The following FHL1 variants were observed in gnomAD, a reference collection of about 807,000 sequenced individuals.
FHL1 encodes four and a half LIM domains protein 1.
A neutral mutation model predicts 20.3 loss-of-function variants in FHL1; 1 was observed. The ratio of observed to expected loss-of-function variants is 0.05; its 90% CI spans 0.02 to 0.23. The LOEUF is 0.23. Among genes scored for constraint, FHL1 ranks in the 10% least tolerant of loss-of-function variants. FHL1 has a pLI of 1.00. For missense variants in FHL1, 177 were observed against 234.0 expected, an observed-to-expected ratio of 0.76 and a Z score of 1.59; for synonymous variants, 82 against 88.9, an observed-to-expected ratio of 0.92 and a Z score of 0.44.
chrX:136,206,510 C>T lies in FHL1; in HGVS notation c.126C>T (p.His42=), dbSNP rs1305364903. 8.2e-7 allele frequency: 1 copy of T among 1,212,546 alleles called. No individual in the cohort carries two copies. Among genetic ancestry groups the T allele is most frequent in the Non-Finnish European group, 1.1e-6 (1 of 895,654 alleles). ...AGTATGTGCAAAAGGATGGCCACCACTGCTGCCTGAAATGCTTTGACAAGT... is the reference window on the plus strand; with the variant it reads ...AGTATGTGCAAAAGGATGGCCACCATTGCTGCCTGAAATGCTTTGACAAGT... The part of the protein sequence containing the change: ...GKKYVQKDGH[H]CCLKCFDKFC... Residue 42 remains histidine (H), a synonymous_variant, in exon 2 of 6, where the codon CAC becomes CAT. Transcript: ENST00000370683.
At chrX:136,208,057 A>C in intron 4 of FHL1, 96 bp downstream of exon 4, 1 of 993,876 alleles carries the variant, frequency 1.0e-6, no homozygotes, top group Non-Finnish European at 1.4e-6. Context: ...TTCCATCCTC[A>C]CGACAGCCCT....
At position 136,209,425 on chromosome X, in the gene FHL1, G is replaced by A; in HGVS notation, c.737-446G>A. 3 of 1,210,738 alleles carry A rather than the reference G, an allele frequency of 2.5e-6. No homozygotes were observed. The highest frequency in any genetic ancestry group is 3.4e-6 in the Non-Finnish European group (3 of 895,336). The stretch of plus-strand genomic sequence containing the variant: ...TCTTTATAGAAAAAATCGAAGCTTA[G>A]CAGCTCCTCGAGGCCCGGTAAGTGC... On this transcript the variant is annotated intron_variant, in intron 5 of 5. Coordinates refer to ENST00000370683, the MANE Select transcript of FHL1 (RefSeq NM_001159699.2).
chrX:136,176,789 G>A (rs985149437), intron 2 of FHL1, among the ~76,000 whole-genome samples: 2 of 111,119 alleles, frequency 1.8e-5, no homozygotes, highest in Non-Finnish European at 3.8e-5. Context: ...TCTGGGTCTG[G>A]GATTTAATGG....
chrX:136,193,022 GA>G (rs1288910646), upstream of FHL1, among the ~76,000 whole-genome samples: 2 of 104,907 alleles, frequency 1.9e-5, no homozygotes, highest in Non-Finnish European at 3.9e-5. Flanking sequence ...ATTATATTGA[GA>G]AAAAAACTTG....
chrX:136,194,960 A>C (rs1223026706), upstream of FHL1, among the ~76,000 whole-genome samples: 1 of 111,543 alleles, frequency 9.0e-6, no homozygotes, highest in African/African-American at 3.3e-5. Context: ...GGTTGATGCA[A>C]ATGGAAGTAA....
chrX:136,151,691 C>T (rs908964779), intron 1 of FHL1, among the ~76,000 whole-genome samples: 11 of 111,655 alleles, frequency 9.9e-5, no homozygotes, highest in East Asian at 2.8e-4. Flanking sequence ...CCAGCCTGGG[C>T]GACAGAGTGA....
chrX:136,194,022 A>AC (rs1188704452), upstream of FHL1, among the ~76,000 whole-genome samples: 1 of 108,767 alleles, frequency 9.2e-6, no homozygotes, highest in African/African-American at 3.4e-5. Flanking sequence ...GTGACATGGT[A>AC]CCATTTTCTT....
intron 1 of FHL1, among the ~76,000 whole-genome samples, chrX:136,162,188 G>A (rs750371751): frequency 9.2e-6 from 1 of 108,134 alleles, no homozygotes; most frequent in East Asian, 2.9e-4. Flanking sequence ...TCTAATTGGA[G>A]AAGCTGTTAA....
At chrX:136,184,459 T>C (rs1157264927) in intron 2 of FHL1, among the ~76,000 whole-genome samples, 1 of 112,026 alleles carries the variant, frequency 8.9e-6, no homozygotes, top group Non-Finnish European at 1.9e-5. Flanking sequence ...TTATTATACA[T>C]TTATTATACT....
At chrX:136,173,349 A>G (rs2072921608) in intron 2 of FHL1, among the ~76,000 whole-genome samples, 1 of 112,335 alleles carries the variant, frequency 8.9e-6, no homozygotes, top group Non-Finnish European at 1.9e-5. Context: ...CAAAATTTTG[A>G]AATACAGTAG....
chrX:136,200,017 T>C (rs763414987), intron 1 of FHL1, among the ~76,000 whole-genome samples: 2 of 112,613 alleles, frequency 1.8e-5, no homozygotes, highest in Non-Finnish European at 3.8e-5. Flanking sequence ...CATGATTAAA[T>C]TGAAAGCCAA....
upstream of FHL1, among the ~76,000 whole-genome samples, chrX:136,192,245 C>T (rs183854941): frequency 2.3e-4 from 26 of 111,397 alleles, no homozygotes; most frequent in Middle Eastern, 4.8e-3. Flanking sequence ...GTCATTTGTT[C>T]GGTGTTTTCC....
At chrX:136,208,204 G>A (rs141218458) in intron 4 of FHL1, among the ~76,000 whole-genome samples, 1 of 112,303 alleles carries the variant, frequency 8.9e-6, no homozygotes, top group Non-Finnish European at 1.9e-5. Context: ...GCTGAGCTGG[G>A]CAGCCCTGGC....
chrX:136,209,132 C>T, intron 5 of FHL1: 1 of 667,012 alleles, frequency 1.5e-6, no homozygotes, highest in Non-Finnish European at 2.2e-6. Context: ...CTTCATTCCT[C>T]ATCTCGCGGC....
intron 2 of FHL1, among the ~76,000 whole-genome samples, chrX:136,179,083 T>G (rs767103689): frequency 1.4e-4 from 16 of 112,175 alleles, no homozygotes; most frequent in Non-Finnish European, 2.8e-4. Context: ...TACACATTCA[T>G]TAGGGCTACA....
chrX:136,182,162 A>C (rs1390115578), intron 2 of FHL1, among the ~76,000 whole-genome samples: 1 of 112,023 alleles, frequency 8.9e-6, no homozygotes, highest in Non-Finnish European at 1.9e-5. Flanking sequence ...CTGACCCCTA[A>C]AAAAGAGGGG....
chrX:136,154,586 T>C (rs1341926474), intron 1 of FHL1, among the ~76,000 whole-genome samples: 1 of 112,527 alleles, frequency 8.9e-6, no homozygotes, highest in East Asian at 2.8e-4. Context: ...AATTGTGGGA[T>C]AGAGATTTTA....
In FHL1 at chrX:136,184,581, A is replaced by G. The variant is rs1440632916; in HGVS notation, c.-27+14601A>G. Among the ~76,000 whole-genome samples, 3 of 111,812 alleles carry G rather than the reference A, an allele frequency of 2.7e-5. No homozygotes were observed. The Admixed American group carries it at 2.9e-4, about 11-fold the overall frequency. Reference sequence around the variant, plus strand: ...CATATTAGTATTTTCTAAATTCTGTATCATTGAAAGTTTAGGCTGATATGA... The same window carrying G: ...CATATTAGTATTTTCTAAATTCTGTGTCATTGAAAGTTTAGGCTGATATGA... On this transcript the variant is annotated intron_variant, in intron 2 of 6. Transcript: ENST00000394153.
At chrX:136,166,514 T>C (rs2072714450), upstream of FHL1, among the ~76,000 whole-genome samples, 1 of 111,521 alleles carries the variant, frequency 9.0e-6, no homozygotes, top group Non-Finnish European at 1.9e-5. Context: ...AGCCGGAACA[T>C]GTAGAGGTGA....
Sources: gnomAD v4.1 joint callset for allele counts (sites outside exome capture counted in the v4.1 genomes callset) on GRCh38, gnomAD v4.1.1 for gene constraint, MANE v1.5 for transcripts, NCBI Gene and HGNC (gene_info 2026-07-23, HGNC 2026-07-21) for gene names.